The following NLRP3 variants were observed in gnomAD, a reference collection of about 807,000 sequenced individuals.
The protein encoded by NLRP3 is NACHT, LRR and PYD domains-containing protein 3.
In NLRP3, 48 loss-of-function variants were observed where a neutral mutation model predicts 91.3. The ratio of observed to expected loss-of-function variants is 0.53; its 90% CI spans 0.42 to 0.67. NLRP3 has a LOEUF of 0.67. Ranked by LOEUF, NLRP3 falls within the 30% of genes least tolerant of loss-of-function variation. NLRP3 has a pLI of 0.00. For missense variants in NLRP3, 982 were observed against 1,276.9 expected, an observed-to-expected ratio of 0.77 and a Z score of 3.52; for synonymous variants, 561 against 507.9, an observed-to-expected ratio of 1.10 and a Z score of -1.41.
intron 6 of NLRP3, among the ~76,000 whole-genome samples, chr1:247,435,541 G>C (rs921514187): frequency 6.6e-6 from 1 of 152,162 alleles, no homozygotes; most frequent in African/African-American, 2.4e-5. Flanking sequence ...AGGAAGAAAC[G>C]TGGTTGCAGG....
Position 247,444,802 on chromosome 1 carries a change from T to C in NLRP3, c.2986T>C (p.Cys996Arg). 2 of 1,614,044 alleles carry C rather than the reference T, an allele frequency of 1.2e-6. No homozygotes were observed. Among genetic ancestry groups the C allele is most frequent in the Non-Finnish European group, 1.7e-6 (2 of 1,180,014 alleles). ...CTGTGAAGTGCTGAAACAGCAGAGCTGCCTCCTGCAGAACCTGGGGTGAGT... is the reference window on the plus strand; with the variant it reads ...CTGTGAAGTGCTGAAACAGCAGAGCCGCCTCCTGCAGAACCTGGGGTGAGT... Reference protein sequence around the residue: ...MFCEVLKQQSCLLQNLGLSEM... With the variant: ...MFCEVLKQQSRLLQNLGLSEM... The change falls in exon 9 of 10, where the codon TGC (cysteine) becomes CGC (arginine). Residue 996 changes from cysteine to arginine, a missense_variant. Cys to Arg is a radical substitution (Grantham distance 180). Around this residue, in one of 5 missense-constraint regions of NLRP3, gnomAD observed 29 missense variants for 55.3 expected, o/e 0.52. Coordinates refer to ENST00000336119, the MANE Select transcript of NLRP3 (RefSeq NM_001243133.2).
chr1:247,441,081 CTT>C (rs1281059314), intron 7 of NLRP3, among the ~76,000 whole-genome samples: 2 of 150,350 alleles, frequency 1.3e-5, no homozygotes, highest in African/African-American at 4.9e-5. Context: ...TCCTTCCTTC[CTT>C]CCTTCCTTCT....
chr1:247,442,213 T>C (rs1664286837), intron 7 of NLRP3, among the ~76,000 whole-genome samples: 1 of 152,254 alleles, frequency 6.6e-6, no homozygotes, highest in Non-Finnish European at 1.5e-5. Context: ...AACCAGTGGA[T>C]GGATAATCAC....
At position 247,418,394 on chromosome 1, in the gene NLRP3, C is replaced by T. The variant is rs12741165; in HGVS notation, c.-407C>T. On this transcript the variant is annotated 5_prime_UTR_variant, in exon 2 of 10. Coordinates refer to ENST00000336119, the MANE Select transcript of NLRP3 (RefSeq NM_001243133.2). ...TTGGCTCACTGCAGCCTCCACTTCCCGGGTTCAATCAATTCTCCTACCTCA... is the reference window on the plus strand; with the variant it reads ...TTGGCTCACTGCAGCCTCCACTTCCTGGGTTCAATCAATTCTCCTACCTCA... 21 of 304,704 alleles carry T rather than the reference C, an allele frequency of 6.9e-5. No individual in the cohort carries two copies. Among genetic ancestry groups the T allele is most frequent in the East Asian group, 6.5e-4 (7 of 10,826 alleles). 18.9% of individuals were successfully genotyped at this position (304,704 alleles called of 1,614,324 possible).
At chr1:247,442,402 C>T (rs1398871554) in intron 7 of NLRP3, among the ~76,000 whole-genome samples, 1 of 152,184 alleles carries the variant, frequency 6.6e-6, no homozygotes, top group Non-Finnish European at 1.5e-5. Context: ...AGCATCTGTG[C>T]TCCTAGGAAT....
At position 247,437,745 on chromosome 1, in the gene NLRP3, C is replaced by T. The variant is rs111769924; in HGVS notation, c.2663+1605C>T. Among the ~76,000 whole-genome samples, 572 of 152,310 alleles carry T rather than the reference C, an allele frequency of 3.8e-3. 2 individuals carry two copies. Among genetic ancestry groups the T allele is most frequent in the African/African-American group, 0.013 (556 of 41,566 alleles). ...GATAATAGACATGCTAAACAATATA[C>T]CCTGTGTATAAGAGCTATAAGAAAA... On this transcript the variant is annotated intron_variant, in intron 7 of 9. Transcript: ENST00000336119.
chr1:247,432,708 A>G (rs1371079503), intron 5 of NLRP3, among the ~76,000 whole-genome samples: 3 of 152,200 alleles, frequency 2.0e-5, no homozygotes, highest in Admixed American at 2.0e-4. Context: ...GTGTAAGGAT[A>G]GGGACAGAAA....
Position 247,425,709 on chromosome 1 carries a change from G to GCTACATCATAATGCCACCA in NLRP3, c.2150+113_2150+131dup. ...CTATCTTCCAAATACTGTTGCCACA[G>GCTACATCATAATGCCACCA]CTACATCATAATGCCACCACTGTCT... On this transcript the variant is annotated intron_variant, in intron 4 of 9. Coordinates refer to ENST00000336119, the MANE Select transcript of NLRP3 (RefSeq NM_001243133.2). The surrounding 1 kb of genome is among the most constrained non-coding windows in gnomAD (Gnocchi z 4.1). 1.0e-6 allele frequency: 1 copy of GCTACATCATAATGCCACCA among 995,354 alleles called. No homozygotes were observed. The highest frequency in any genetic ancestry group is 1.5e-6 in the Non-Finnish European group (1 of 648,364). 61.7% of individuals were successfully genotyped at this position (995,354 alleles called of 1,614,324 possible). A position where few individuals can be genotyped will look rare whatever the true frequency, so the allele number is the denominator to read the frequency against.
chr1:247,444,769 A>C lies in NLRP3; in HGVS notation c.2953A>C (p.Met985Leu). The change falls in exon 9 of 10, where the codon ATG becomes CTG. Residue 985 changes from methionine (M) to leucine (L), a missense_variant. Physicochemically the swap from Met to Leu is conservative, Grantham distance 15. Around this residue, in one of 5 missense-constraint regions of NLRP3, gnomAD observed 373 missense variants for 431.5 expected, o/e 0.86. Transcript: ENST00000336119. Reference sequence around the variant, plus strand: ...CAATGACCTGGGCGACCTGGGGGTCATGATGTTCTGTGAAGTGCTGAAACA... The same window carrying C: ...CAATGACCTGGGCGACCTGGGGGTCCTGATGTTCTGTGAAGTGCTGAAACA... Reference protein sequence around the residue: ...GNNDLGDLGVMMFCEVLKQQS... With the variant: ...GNNDLGDLGVLMFCEVLKQQS... 1 of 1,614,176 alleles carries C rather than the reference A, an allele frequency of 6.2e-7. No homozygotes were observed. Among genetic ancestry groups the C allele is most frequent in the Non-Finnish European group, 8.5e-7 (1 of 1,180,030 alleles).
At chr1:247,437,392 C>T (rs911066892) in intron 7 of NLRP3, among the ~76,000 whole-genome samples, 7 of 152,162 alleles carry the variant, frequency 4.6e-5, no homozygotes, top group African/African-American at 1.7e-4. Context: ...AATTAACAAC[C>T]AACCTCTGTT....
chr1:247,419,065 G>A lies in NLRP3; in HGVS notation c.265G>A (p.Glu89Lys), dbSNP rs777250607. The A allele has an allele frequency of 1.2e-6, 2 of 1,611,012 alleles. No individual in the cohort carries two copies. The highest frequency in any genetic ancestry group is 8.5e-7 in the Non-Finnish European group (1 of 1,179,954). Residue 89 changes from glutamate to lysine, a missense_variant, in exon 2 of 10, where the codon GAG (glutamate) becomes AAG (lysine). Physicochemically the swap from Glu to Lys is moderately conservative, Grantham distance 56. Coordinates refer to ENST00000336119, the MANE Select transcript of NLRP3 (RefSeq NM_001243133.2). ...CCTTTATGAGAAAGCAAAAAGAGATGAGCCGAAGTGGGGTGAGTGGAAGGA... is the reference window on the plus strand; with the variant it reads ...CCTTTATGAGAAAGCAAAAAGAGATAAGCCGAAGTGGGGTGAGTGGAAGGA... ...RDLYEKAKRD[E>K]PKWGSDNARV...
chr1:247,424,614 C>A lies in NLRP3; in HGVS notation c.1165C>A (p.Gln389Lys). 6.2e-7 allele frequency: 1 copy of A among 1,614,236 alleles called. No homozygotes were observed. Among genetic ancestry groups the A allele is most frequent in the Non-Finnish European group, 8.5e-7 (1 of 1,180,034 alleles). ...YFFKYFSDEAQARAAFSLIQE... is the reference protein window; with the variant it reads ...YFFKYFSDEAKARAAFSLIQE... ...CTTCAAGTACTTCTCTGATGAGGCC[C>A]AAGCCAGGGCAGCCTTCAGTCTGAT... The change falls in exon 4 of 10, where the codon CAA (glutamine) becomes AAA (lysine). Residue 389 changes from glutamine to lysine, a missense_variant. Transcript: ENST00000336119. This position sits in a 1 kb window ranked among gnomAD's most constrained non-coding sequence, Gnocchi z 8.1.
chr1:247,429,688 G>A lies in NLRP3; in HGVS notation c.2254G>A (p.Gly752Arg), dbSNP rs1213691470. The stretch of plus-strand genomic sequence containing the variant: ...ATTGGACCTCAGTGACAATTCTCTG[G>A]GGGACCCAGGGATGAGAGTGTTGTG... ...TELDLSDNSLGDPGMRVLCET... is the reference protein window; with the variant it reads ...TELDLSDNSLRDPGMRVLCET... Residue 752 changes from glycine to arginine, a missense_variant, in exon 5 of 10, where the codon GGG becomes AGG. Physicochemically the swap from Gly to Arg is moderately radical, Grantham distance 125. This residue lies in a region of NLRP3 where 373 missense variants were observed against 431.5 expected (regional missense o/e 0.86). Coordinates refer to ENST00000336119, the MANE Select transcript of NLRP3 (RefSeq NM_001243133.2). The A allele has an allele frequency of 1.2e-6, 2 of 1,614,080 alleles. No individual in the cohort carries two copies. Among genetic ancestry groups the A allele is most frequent in the African/African-American group, 2.7e-5 (2 of 75,000 alleles).
In NLRP3 at chr1:247,448,600, A is replaced by T; in HGVS notation, c.*96A>T. ...GCTGCGATCCATCCAGGCCAAGACCACAGCTCTGTGATCCTTCCGGTGGAG... is the reference window on the plus strand; with the variant it reads ...GCTGCGATCCATCCAGGCCAAGACCTCAGCTCTGTGATCCTTCCGGTGGAG... On this transcript the variant is annotated 3_prime_UTR_variant, in exon 10 of 10. Coordinates refer to ENST00000336119, the MANE Select transcript of NLRP3 (RefSeq NM_001243133.2). The T allele has an allele frequency of 1.3e-6, 1 of 796,408 alleles. No homozygotes were observed. Among genetic ancestry groups the T allele is most frequent in the Admixed American group, 1.8e-5 (1 of 56,182 alleles). 49.3% of individuals were successfully genotyped at this position (796,408 alleles called of 1,614,324 possible).
chr1:247,424,795 T>C lies in NLRP3; in HGVS notation c.1346T>C (p.Leu449Pro). The change falls in exon 4 of 10, where the codon CTG (leucine) becomes CCG (proline). Residue 449 changes from leucine (L) to proline (P), a missense_variant. Physicochemically the swap from Leu to Pro is moderately conservative, Grantham distance 98. Coordinates refer to ENST00000336119, the MANE Select transcript of NLRP3 (RefSeq NM_001243133.2). This position sits in a 1 kb window ranked among gnomAD's most constrained non-coding sequence, Gnocchi z 8.1. Reference sequence around the variant, plus strand: ...TACGTCTTCTTCCTTTCCAGTTTGCTGCAGCCCCGGGGAGGGAGCCAGGAG... The same window carrying C: ...TACGTCTTCTTCCTTTCCAGTTTGCCGCAGCCCCGGGGAGGGAGCCAGGAG... ...AVYVFFLSSLLQPRGGSQEHG... is the reference protein window; with the variant it reads ...AVYVFFLSSLPQPRGGSQEHG... The C allele has an allele frequency of 6.2e-7, 1 of 1,610,110 alleles. No individual in the cohort carries two copies. The highest frequency in any genetic ancestry group is 8.5e-7 in the Non-Finnish European group (1 of 1,180,014).
chr1:247,423,985 A>G lies in NLRP3; in HGVS notation c.536A>G (p.Gln179Arg), dbSNP rs1461642011. ...CTCATCAAGGAGCACCGGAGCCAGC[A>G]GGAGAGGGAGCAGGAGCTTCTGGCC... ...LRLIKEHRSQQEREQELLAIG... is the reference protein window; with the variant it reads ...LRLIKEHRSQREREQELLAIG... Residue 179 changes from glutamine (Q) to arginine (R), a missense_variant, in exon 4 of 10, where the codon CAG becomes CGG. Transcript: ENST00000336119. 7 of 1,614,050 alleles carry G rather than the reference A, an allele frequency of 4.3e-6. No individual in the cohort carries two copies. In the South Asian group the frequency reaches 7.7e-5, roughly 18 times the overall value.
At chr1:247,446,764 C>G (rs1664614065) in intron 9 of NLRP3, among the ~76,000 whole-genome samples, 1 of 152,224 alleles carries the variant, frequency 6.6e-6, no homozygotes, top group South Asian at 2.1e-4. Context: ...TTATCTATCT[C>G]TGCTCCCAAA....
rs144883463 is a variant in NLRP3, at chr1:247,439,697, C to T, written c.2663+3557C>T. Among the ~76,000 whole-genome samples the T allele has an allele frequency of 7.3e-3, 1,110 of 152,338 alleles. 36 individuals carry two copies. The highest frequency in any genetic ancestry group is 0.065 in the Admixed American group (994 of 15,310). ...AACAATTCAATCCATAACACCCTAT[C>T]TATTGAAACTAGAACCATAATATAA... On this transcript the variant is annotated intron_variant, in intron 7 of 9. Transcript: ENST00000336119.
rs560430381 is a variant in NLRP3 at position 247,441,115 on chromosome 1, CTCTT to C, written c.2664-2855_2664-2852del. ...TTCTTCCTCCTCCTCCTTTCTTTCT[CTCTT>C]TTTCTTTTTCTCTTTCTTTCTTTCT... On this transcript the variant is annotated intron_variant, in intron 7 of 9. Coordinates refer to ENST00000336119, the MANE Select transcript of NLRP3 (RefSeq NM_001243133.2). 9.2e-3 allele frequency among the ~76,000 whole-genome samples: 901 copies of C among 97,580 alleles called. 7 individuals are homozygous for C. Among genetic ancestry groups the C allele is most frequent in the South Asian group, 0.058 (178 of 3,078 alleles). The allele number at this position is 97,580 out of a possible 152,430, so 64.0% of individuals were successfully genotyped here.
Sources: allele counts gnomAD v4.1 joint callset (sites outside exome capture counted in the v4.1 genomes callset), GRCh38; gene constraint gnomAD v4.1.1; regional missense constraint gnomAD v4.1.1; non-coding constraint Gnocchi (gnomAD v3.1); transcripts MANE v1.5; gene names NCBI Gene and HGNC (gene_info 2026-07-23, HGNC 2026-07-21).